HRH1: variants seen among roughly 807,000 people sequenced by gnomAD.
The protein encoded by HRH1 is histamine receptor H1.
In HRH1, 6 loss-of-function variants were observed where a neutral mutation model predicts 10.3. That is an observed-to-expected ratio of 0.58 (90% CI 0.32 to 1.15). The LOEUF (loss-of-function observed/expected upper bound fraction) is 1.15. HRH1 is among the 50% of genes most tolerant of loss of function. The pLI is 0.05. For missense variants in HRH1, 514 were observed against 615.3 expected (o/e 0.84, Z 1.74); for synonymous variants, 242 against 236.7 (o/e 1.02, Z -0.21).
intron 1 of HRH1, among the ~76,000 whole-genome samples, chr3:11,178,394 C>T (rs975295556): frequency 6.6e-6 from 1 of 152,202 alleles, no homozygotes; most frequent in Admixed American, 6.5e-5. Context: ...CTTATTTCCC[C>T]GTTGGGTGCC....
At chr3:11,194,435 C>T (rs113340967) in intron 1 of HRH1, among the ~76,000 whole-genome samples, 29 of 152,272 alleles carry the variant, frequency 1.9e-4, no homozygotes, top group African/African-American at 5.8e-4. Context: ...TCAGACTCTG[C>T]GCCAGACACT....
At chr3:11,162,253 C>T (rs1936941084) in intron 1 of HRH1, among the ~76,000 whole-genome samples, 1 of 152,098 alleles carries the variant, frequency 6.6e-6, no homozygotes, top group South Asian at 2.1e-4. Flanking sequence ...GGGGAGGAGC[C>T]ATTGAGGAGC....
intron 1 of HRH1, among the ~76,000 whole-genome samples, chr3:11,207,618 G>A (rs890038045): frequency 2.6e-4 from 39 of 152,108 alleles, no homozygotes; most frequent in African/African-American, 7.2e-4. Context: ...GAGGTCCTTC[G>A]CTTACTTGCT....
intron 1 of HRH1, among the ~76,000 whole-genome samples, chr3:11,199,359 T>C (rs1344381575): frequency 2.6e-5 from 4 of 152,174 alleles, no homozygotes; most frequent in Non-Finnish European, 2.9e-5. Flanking sequence ...TCCCGGGAGC[T>C]GCCTTATTTG....
chr3:11,235,008 G>A (rs1343652626), intron 1 of HRH1, among the ~76,000 whole-genome samples: 2 of 152,112 alleles, frequency 1.3e-5, no homozygotes, highest in African/African-American at 4.8e-5. Flanking sequence ...GAGGTCAGGA[G>A]ATCGAGACCA....
intron 1 of HRH1, among the ~76,000 whole-genome samples, chr3:11,252,951 G>T (rs755714113): frequency 1.3e-5 from 2 of 151,990 alleles, no homozygotes; most frequent in Non-Finnish European, 2.9e-5. Context: ...AGGGAGGGGA[G>T]GGGAGGAATT....
upstream of HRH1, among the ~76,000 whole-genome samples, chr3:11,151,965 T>G (rs995560384): frequency 6.6e-6 from 1 of 152,204 alleles, no homozygotes; most frequent in African/African-American, 2.4e-5. Flanking sequence ...CAGTCTCTAC[T>G]CAGGCATTGA....
chr3:11,213,813 C>G (rs926614981), intron 1 of HRH1, among the ~76,000 whole-genome samples: 3 of 152,238 alleles, frequency 2.0e-5, no homozygotes, highest in Admixed American at 1.3e-4. Context: ...CTGGCACACT[C>G]AAAGCTCTCG....
At chr3:11,230,067 G>A (rs1249819087) in intron 1 of HRH1, among the ~76,000 whole-genome samples, 1 of 152,126 alleles carries the variant, frequency 6.6e-6, no homozygotes, top group African/African-American at 2.4e-5. Flanking sequence ...GACCAAGTCA[G>A]CCTCCAAAGG....
intron 1 of HRH1, among the ~76,000 whole-genome samples, chr3:11,239,780 G>T (rs1939286477): frequency 6.6e-6 from 1 of 151,928 alleles, no homozygotes; most frequent in Admixed American, 6.6e-5. Flanking sequence ...CATTCCCAGA[G>T]GTGAGCAACA....
intron 1 of HRH1, among the ~76,000 whole-genome samples, chr3:11,202,064 C>A (rs1038580114): frequency 6.6e-6 from 1 of 152,040 alleles, no homozygotes; most frequent in Non-Finnish European, 1.5e-5. Flanking sequence ...TTGAGTTTTG[C>A]GGTAGATAAA....
chr3:11,249,555 G>C (rs1035856378), intron 1 of HRH1, among the ~76,000 whole-genome samples: 2 of 152,142 alleles, frequency 1.3e-5, no homozygotes, highest in Non-Finnish European at 2.9e-5. Flanking sequence ...GGAAGGGTAA[G>C]AACCTTGGGA....
In HRH1 at chr3:11,158,884, C is replaced by T. The variant is rs542502708; in HGVS notation, c.-36+4330C>T. Among the ~76,000 whole-genome samples, 3 of 152,298 alleles carry T rather than the reference C, an allele frequency of 2.0e-5. No individual in the cohort carries two copies. The South Asian group carries it at 6.2e-4, about 32-fold the overall frequency. On this transcript the variant is annotated intron_variant, in intron 1 of 1. Transcript: ENST00000431010. ...GTACAAATAACAGTTTTGTTTCTTC[C>T]TCTCTAATCCTTGTATTCTTTCCTT...
chr3:11,148,995 C>T (rs1413588959), intron 1 of HRH1, among the ~76,000 whole-genome samples: 1 of 152,062 alleles, frequency 6.6e-6, no homozygotes, highest in East Asian at 1.9e-4. Context: ...CAAAGGCTAG[C>T]ACAAGTTGTA....
chr3:11,251,505 T>G (rs1201494590), intron 1 of HRH1, among the ~76,000 whole-genome samples: 1 of 152,220 alleles, frequency 6.6e-6, no homozygotes, highest in Non-Finnish European at 1.5e-5. Flanking sequence ...GTAGGGTGTC[T>G]CCGTCTACTG....
upstream of HRH1, among the ~76,000 whole-genome samples, chr3:11,154,216 C>T (rs962881363): frequency 3.3e-5 from 5 of 152,146 alleles, no homozygotes; most frequent in Non-Finnish European, 5.9e-5. This position sits in a 1 kb window ranked among gnomAD's most constrained non-coding sequence, Gnocchi z 4.4. Flanking sequence ...AGGAGCAGTC[C>T]GCCTCGCAGA....
intron 1 of HRH1, among the ~76,000 whole-genome samples, chr3:11,159,144 G>A (rs552320661): frequency 2.6e-5 from 4 of 152,212 alleles, no homozygotes; most frequent in African/African-American, 9.6e-5. Context: ...GCTACTTGGG[G>A]GAATGAGGCA....
At chr3:11,198,276 A>G (rs958646611) in intron 1 of HRH1, among the ~76,000 whole-genome samples, 2 of 151,060 alleles carry the variant, frequency 1.3e-5, no homozygotes, top group Admixed American at 1.3e-4. Context: ...GCCCTTCCCC[A>G]CAAAGTCACA....
intron 1 of HRH1, among the ~76,000 whole-genome samples, chr3:11,217,750 T>G (rs1938562665): frequency 6.6e-6 from 1 of 152,198 alleles, no homozygotes; most frequent in Non-Finnish European, 1.5e-5. Context: ...CAATTAGAAT[T>G]TTTAAGAGAA....
Sources: gnomAD v4.1 joint callset for allele counts (sites outside exome capture counted in the v4.1 genomes callset) on GRCh38, gnomAD v4.1.1 for gene constraint, Gnocchi (gnomAD v3.1) non-coding constraint, MANE v1.5 for transcripts, NCBI Gene and HGNC (gene_info 2026-07-23, HGNC 2026-07-21) for gene names.